NELL2: variants seen among roughly 807,000 people sequenced by gnomAD.
The protein encoded by NELL2 is neural EGFL like 2, also known as protein kinase C-binding protein NELL2.
NELL2 carries 41 observed loss-of-function variants against 109.6 expected under a neutral mutation model. The observed-to-expected ratio is 0.37, with a 90% CI of 0.29 to 0.49. The LOEUF (loss-of-function observed/expected upper bound fraction) is 0.49, where lower values mean the gene tolerates loss of function less well. Ranked by LOEUF, NELL2 falls within the 20% of genes least tolerant of loss-of-function variation. NELL2 has a pLI of 0.98. For missense variants in NELL2, 900 were observed against 1,008.3 expected (o/e 0.89, Z 1.45); for synonymous variants, 355 against 344.7 (o/e 1.03, Z -0.33).
intron 13 of NELL2, among the ~76,000 whole-genome samples, chr12:44,645,512 T>C (rs1283748610): frequency 1.3e-5 from 2 of 152,162 alleles, no homozygotes; most frequent in African/African-American, 2.4e-5. Context: ...TCAGTGTCCA[T>C]GGTGTTAGCA....
intron 1 of NELL2, among the ~76,000 whole-genome samples, chr12:44,888,204 T>C (rs1945495677): frequency 6.6e-6 from 1 of 152,050 alleles, no homozygotes; most frequent in African/African-American, 2.4e-5. Context: ...TGTATCTGTT[T>C]TTATGCCAGT....
At chr12:44,768,970 C>G (rs552728555) in intron 9 of NELL2, among the ~76,000 whole-genome samples, 1 of 150,928 alleles carries the variant, frequency 6.6e-6, no homozygotes, top group Non-Finnish European at 1.5e-5. Context: ...TCACCATAGC[C>G]TACATAAATT....
chr12:44,806,806 T>C (rs1320260380), intron 3 of NELL2, among the ~76,000 whole-genome samples: 1 of 151,814 alleles, frequency 6.6e-6, no homozygotes, highest in Non-Finnish European at 1.5e-5. Flanking sequence ...GTAAGTTTAT[T>C]ACTGGTACAA....
chr12:44,850,920 G>T (rs1211593914), intron 2 of NELL2, among the ~76,000 whole-genome samples: 1 of 152,092 alleles, frequency 6.6e-6, no homozygotes, highest in Admixed American at 6.6e-5. Flanking sequence ...GGAGAGTGGT[G>T]GTTCCAGGTG....
intron 19 of NELL2, among the ~76,000 whole-genome samples, chr12:44,519,112 T>C (rs1017647066): frequency 6.6e-6 from 1 of 152,116 alleles, no homozygotes; most frequent in African/African-American, 2.4e-5. Flanking sequence ...AGGAAAAAAA[T>C]TACAAAATGG....
At chr12:44,543,083 T>C (rs1482280040) in intron 15 of NELL2, among the ~76,000 whole-genome samples, 3 of 152,132 alleles carry the variant, frequency 2.0e-5, no homozygotes, top group Non-Finnish European at 4.4e-5. Context: ...TAGTACAGTA[T>C]CTTATTTACA....
rs377739786 is a variant in NELL2 at position 44,710,903 on chromosome 12, T to C, written c.1189+389A>G. 5.9e-5 allele frequency among the ~76,000 whole-genome samples: 9 copies of C among 151,962 alleles called. No homozygotes were observed. In the East Asian group the frequency reaches 1.7e-3, roughly 29 times the overall value. On this transcript the variant is annotated intron_variant, in intron 11 of 19. Coordinates refer to ENST00000429094, the MANE Select transcript of NELL2 (RefSeq NM_001145108.2). ...TTCTAGGTAAGTTATAAAAAGAAGC[T>C]GAGGAGAAATGAAAAACAAACAAAA...
At position 44,808,577 on chromosome 12, in the gene NELL2, T is replaced by C. The variant is rs934736714; in HGVS notation, c.335+7409A>G. On this transcript the variant is annotated intron_variant, in intron 3 of 19. Coordinates refer to ENST00000429094, the MANE Select transcript of NELL2 (RefSeq NM_001145108.2). The stretch of plus-strand genomic sequence containing the variant: ...GTTTGAAATTTTAATTTATAAATCC[T>C]ATTATCTTTAAAGTTATTTATTAAA... 1.3e-4 allele frequency among the ~76,000 whole-genome samples: 20 copies of C among 152,158 alleles called. No individual in the cohort carries two copies. The East Asian group carries it at 3.5e-3, about 26-fold the overall frequency.
At chr12:44,891,123 T>A (rs1483595611) in intron 1 of NELL2, among the ~76,000 whole-genome samples, 1 of 152,248 alleles carries the variant, frequency 6.6e-6, no homozygotes, top group Non-Finnish European at 1.5e-5. Flanking sequence ...GGTGTCCAAA[T>A]TAACCCCTAC....
upstream of NELL2, among the ~76,000 whole-genome samples, chr12:44,877,477 C>T (rs1243358766): frequency 6.6e-6 from 1 of 152,166 alleles, no homozygotes; most frequent in Non-Finnish European, 1.5e-5. Context: ...GTACAAAGAT[C>T]AATTGGGTTT....
intron 2 of NELL2, among the ~76,000 whole-genome samples, chr12:44,818,511 G>C (rs1943428483): frequency 6.6e-6 from 1 of 152,116 alleles, no homozygotes; most frequent in Non-Finnish European, 1.5e-5. Flanking sequence ...GGCCCAAAGA[G>C]ATAGAGCTCT....
At chr12:44,658,757 T>C (rs1313809943) in intron 13 of NELL2, among the ~76,000 whole-genome samples, 1 of 151,242 alleles carries the variant, frequency 6.6e-6, no homozygotes, top group Non-Finnish European at 1.5e-5. Flanking sequence ...GCGCCTGTAG[T>C]TCCAGCTACT....
At chr12:44,585,328 G>A (rs747900048) in intron 15 of NELL2, among the ~76,000 whole-genome samples, 7 of 152,098 alleles carry the variant, frequency 4.6e-5, no homozygotes, top group South Asian at 2.1e-4. Context: ...GAGGCTGGGC[G>A]CAGTGGCTCA....
chr12:44,624,994 GTGTATATATATATATATATATATATA>G (rs1389722687), intron 13 of NELL2, among the ~76,000 whole-genome samples: 5 of 118,702 alleles, frequency 4.2e-5, no homozygotes, highest in Non-Finnish European at 6.9e-5. Flanking sequence ...ATATATGTGT[GTGTATATATATATATATATATATATA>G]TATATATATA....
chr12:44,715,244 A>G (rs191731020), intron 9 of NELL2, among the ~76,000 whole-genome samples: 3 of 149,866 alleles, frequency 2.0e-5, no homozygotes, highest in Non-Finnish European at 4.4e-5. Context: ...GTGTCATTTT[A>G]TTTATAAGTA....
chr12:44,620,677 C>T (rs757015706), intron 13 of NELL2, among the ~76,000 whole-genome samples: 16 of 152,084 alleles, frequency 1.1e-4, no homozygotes, highest in Non-Finnish European at 1.9e-4. Context: ...AGACTCCTCC[C>T]TCCCTTCTTC....
chr12:44,718,467 G>A (rs1463983514), intron 9 of NELL2, among the ~76,000 whole-genome samples: 4 of 152,140 alleles, frequency 2.6e-5, no homozygotes, highest in Non-Finnish European at 4.4e-5. Context: ...GCATGCACAT[G>A]TTTACAGCCA....
At chr12:44,714,557 C>T (rs1489424585) in intron 10 of NELL2, 93 bp downstream of exon 10, 2 of 696,360 alleles carry the variant, frequency 2.9e-6, no homozygotes, top group Non-Finnish European at 4.8e-6. Context: ...ATTAGAATTT[C>T]AAAAATGTAT....
intron 9 of NELL2, among the ~76,000 whole-genome samples, chr12:44,729,574 A>ACAAAAC (rs1555206437): frequency 0.038 from 5,610 of 148,640 alleles, 344 homozygotes; most frequent in African/African-American, 0.13. Flanking sequence ...TAAAAAAAAA[A>ACAAAAC]AAAACCAAGA....
Sources: gnomAD v4.1 joint callset for allele counts (sites outside exome capture counted in the v4.1 genomes callset) on GRCh38, gnomAD v4.1.1 for gene constraint, MANE v1.5 for transcripts, NCBI Gene and HGNC (gene_info 2026-07-23, HGNC 2026-07-21) for gene names.